The following COL21A1 variants were observed in gnomAD, a reference collection of about 807,000 sequenced individuals.
The protein encoded by COL21A1 is collagen alpha-1(XXI) chain.
A neutral mutation model predicts 137.9 loss-of-function variants in COL21A1; 149 were observed. The ratio of observed to expected loss-of-function variants is 1.08; its 90% CI spans 0.95 to 1.24. The LOEUF is 1.24. Ranked by LOEUF, COL21A1 falls within the 50% of genes most tolerant of loss-of-function variation. The probability of loss-of-function intolerance (pLI) is 0.00; values close to 1 mark genes in which losing one functional copy is unlikely to be tolerated. For synonymous variants in COL21A1, 456 were observed against 391.5 expected, an observed-to-expected ratio of 1.16 and a Z score of -1.95; for missense variants, 1,167 against 1,158.4, an observed-to-expected ratio of 1.01 and a Z score of -0.11.
At position 56,167,002 on chromosome 6, in the gene COL21A1, T is replaced by A. The variant is rs536087536; in HGVS notation, c.1201-19A>T. The A allele has an allele frequency of 1.9e-6, 3 of 1,592,968 alleles. No individual in the cohort carries two copies. Among genetic ancestry groups the A allele is most frequent in the Non-Finnish European group, 2.6e-6 (3 of 1,165,202 alleles). ...CATCAAACTAAGAACATAAACCCAG[T>A]AGAATTAAAGTTGAGGCACAAGCTA... On this transcript the variant is annotated intron_variant, in intron 6 of 29. Transcript: ENST00000244728.
chr6:56,241,129 G>A (rs994175698), intron 1 of COL21A1, among the ~76,000 whole-genome samples: 1 of 152,100 alleles, frequency 6.6e-6, no homozygotes, highest in African/African-American at 2.4e-5. Flanking sequence ...CAAAAATCAT[G>A]TGTACAAGCC....
intron 1 of COL21A1, among the ~76,000 whole-genome samples, chr6:56,277,903 TG>T (rs1238285685): frequency 6.6e-6 from 1 of 152,230 alleles, no homozygotes; most frequent in African/African-American, 2.4e-5. Flanking sequence ...CACAAATGCA[TG>T]GGAATCCTAC....
chr6:56,381,865 C>T (rs1251267144), intron 1 of COL21A1, among the ~76,000 whole-genome samples: 5 of 152,192 alleles, frequency 3.3e-5, no homozygotes, highest in Admixed American at 3.3e-4. Flanking sequence ...CTTGTCAAAT[C>T]TCAGGTGAAG....
At chr6:56,252,471 C>A (rs116082342), upstream of COL21A1, among the ~76,000 whole-genome samples, 1,560 of 152,176 alleles carry the variant, frequency 0.01, 34 homozygotes, top group African/African-American at 0.035. Flanking sequence ...AAAATGAATC[C>A]TTTGGAAATA....
At chr6:56,150,573 G>A (rs1775243706) in intron 10 of COL21A1, among the ~76,000 whole-genome samples, 2 of 138,084 alleles carry the variant, frequency 1.4e-5, no homozygotes, top group Non-Finnish European at 3.1e-5. Flanking sequence ...CACAAGAGTG[G>A]GGGGAACTGA....
chr6:56,100,135 T>TG (rs1319630087), intron 17 of COL21A1, among the ~76,000 whole-genome samples: 8 of 152,232 alleles, frequency 5.3e-5, no homozygotes, highest in Admixed American at 3.9e-4. Context: ...GACCCTTCTC[T>TG]GCAGATTCAG....
Position 56,287,804 on chromosome 6 carries a change from A to G in COL21A1, c.-38-105148T>C, listed in dbSNP as rs530996005. On this transcript the variant is annotated intron_variant, in intron 1 of 28. Transcript: ENST00000370819. ...GGATTATCCAGATAGGCCGTAAGTA[A>G]TCACAAGGGTTCTTACAAGTAGAAG... is the stretch of plus-strand genomic sequence containing the variant. Among the ~76,000 whole-genome samples, 4 of 152,216 alleles carry G rather than the reference A, an allele frequency of 2.6e-5. No homozygotes were observed. In the South Asian group the frequency reaches 8.3e-4, roughly 32 times the overall value.
intron 1 of COL21A1, among the ~76,000 whole-genome samples, chr6:56,392,995 T>C (rs10949000): frequency 0.06 from 8,789 of 147,408 alleles, 349 homozygotes; most frequent in Non-Finnish European, 0.095. Flanking sequence ...AAGAAAGAAG[T>C]CCTAATATTT....
intron 9 of COL21A1, among the ~76,000 whole-genome samples, chr6:56,161,092 T>TGC (rs1449819908): frequency 2.0e-3 from 311 of 152,318 alleles, no homozygotes; most frequent in African/African-American, 7.0e-3. Context: ...CTTGAAATTT[T>TGC]CCAAAGGCTT....
intron 1 of COL21A1, among the ~76,000 whole-genome samples, chr6:56,318,792 TAAAG>T (rs970413595): frequency 5.3e-5 from 8 of 152,152 alleles, no homozygotes; most frequent in African/African-American, 1.9e-4. Context: ...TTTCCCATCT[TAAAG>T]AAGTATATGT....
chr6:56,243,545 T>C (rs1362371561), intron 1 of COL21A1, among the ~76,000 whole-genome samples: 1 of 152,156 alleles, frequency 6.6e-6, no homozygotes, highest in Non-Finnish European at 1.5e-5. Context: ...AAAGAGAGCT[T>C]CAGCTTAAAG....
chr6:56,316,026 C>A (rs1216178739), intron 1 of COL21A1, among the ~76,000 whole-genome samples: 2 of 152,102 alleles, frequency 1.3e-5, no homozygotes, highest in Non-Finnish European at 2.9e-5. Flanking sequence ...TCTGGGAGAA[C>A]AAAACACACC....
At chr6:56,282,922 G>A (rs1763814553) in intron 1 of COL21A1, among the ~76,000 whole-genome samples, 1 of 152,102 alleles carries the variant, frequency 6.6e-6, no homozygotes. Flanking sequence ...ATAGTCTCCT[G>A]AATTACTATT....
chr6:56,198,930 C>A (rs1195010347), intron 1 of COL21A1, among the ~76,000 whole-genome samples: 1 of 152,020 alleles, frequency 6.6e-6, no homozygotes, highest in Admixed American at 6.6e-5. Context: ...CATGAGTTTT[C>A]TTTTTTATTA....
In COL21A1 at chr6:56,387,742, C is replaced by T. The variant is rs2094020903; in HGVS notation, c.-39+6229G>A. On this transcript the variant is annotated intron_variant, in intron 1 of 28. Transcript: ENST00000370819. ...CATGGAGGGAGCATTTAGATAAGCC[C>T]TGGACCAGAGGGAAATTATCCCCAG... Among the ~76,000 whole-genome samples, 4 of 152,300 alleles carry T rather than the reference C, an allele frequency of 2.6e-5. No individual in the cohort carries two copies. In the South Asian group the frequency reaches 8.3e-4, roughly 32 times the overall value.
chr6:56,344,083 T>G (rs1293429735), intron 1 of COL21A1, among the ~76,000 whole-genome samples: 3 of 152,238 alleles, frequency 2.0e-5, no homozygotes, highest in African/African-American at 7.2e-5. Context: ...TTCTACATTT[T>G]ATTTTTGTGG....
At chr6:56,079,187 C>T (rs188247299) in intron 17 of COL21A1, among the ~76,000 whole-genome samples, 1 of 151,748 alleles carries the variant, frequency 6.6e-6, no homozygotes, top group East Asian at 1.9e-4. Context: ...CTGAATTTAA[C>T]TAAAATACGT....
intron 1 of COL21A1, among the ~76,000 whole-genome samples, chr6:56,329,195 T>G (rs1562059329): frequency 6.6e-6 from 1 of 152,150 alleles, no homozygotes; most frequent in Non-Finnish European, 1.5e-5. Context: ...TTACATGACA[T>G]GTGTCTACTG....
intron 1 of COL21A1, among the ~76,000 whole-genome samples, chr6:56,318,948 T>A (rs552933230): frequency 5.9e-4 from 89 of 150,444 alleles, no homozygotes; most frequent in African/African-American, 2.0e-3. Context: ...ACACACACAC[T>A]CTTAAACCCA....
Sources: allele counts gnomAD v4.1 joint callset (sites outside exome capture counted in the v4.1 genomes callset), GRCh38; gene constraint gnomAD v4.1.1; transcripts MANE v1.5; gene names NCBI Gene and HGNC (gene_info 2026-07-23, HGNC 2026-07-21).